ANO3: variants seen among roughly 807,000 people sequenced by gnomAD.
ANO3 encodes anoctamin 3.
A neutral mutation model predicts 144.8 loss-of-function variants in ANO3; 99 were observed. The observed-to-expected ratio is 0.68, with a 90% CI of 0.58 to 0.81. The LOEUF is 0.81. Among genes scored for constraint, ANO3 ranks in the 30% least tolerant of loss-of-function variants. The pLI, the probability that ANO3 is intolerant of heterozygous loss-of-function variation, is 0.00. For missense variants in ANO3, 905 were observed against 1,202.2 expected (o/e 0.75, Z 3.66); for synonymous variants, 414 against 392.6 (o/e 1.05, Z -0.64).
At chr11:26,621,975 C>T (rs950461011) in intron 17 of ANO3, among the ~76,000 whole-genome samples, 3 of 152,124 alleles carry the variant, frequency 2.0e-5, no homozygotes, top group African/African-American at 7.2e-5. Context: ...TACACACTCA[C>T]AGCTTGTATG....
chr11:26,346,274 T>C (rs1236574842), intron 1 of ANO3, among the ~76,000 whole-genome samples: 1 of 152,146 alleles, frequency 6.6e-6, no homozygotes, highest in Non-Finnish European at 1.5e-5. Flanking sequence ...AAAAAAGTGG[T>C]TTAAGAAAAA....
intron 17 of ANO3, 56 bp downstream of exon 17, chr11:26,599,770 G>A (rs1851739624): frequency 1.4e-6 from 2 of 1,471,270 alleles, no homozygotes; most frequent in Non-Finnish European, 1.8e-6. Flanking sequence ...AAAGGGGAGA[G>A]GTCTATGTTT....
intron 24 of ANO3, among the ~76,000 whole-genome samples, chr11:26,649,730 T>G (rs1258786887): frequency 8.2e-6 from 1 of 122,382 alleles, no homozygotes; most frequent in East Asian, 2.4e-4. Context: ...GGGCAAAATT[T>G]CGTCTCAAAA....
At chr11:26,340,541 G>A (rs182129416) in intron 1 of ANO3, among the ~76,000 whole-genome samples, 2 of 152,282 alleles carry the variant, frequency 1.3e-5, no homozygotes, top group African/African-American at 2.4e-5. Flanking sequence ...CAGAGGAGGA[G>A]ACTAGAAATC....
chr11:26,269,648 T>C (rs1415319593), intron 1 of ANO3, among the ~76,000 whole-genome samples: 1 of 152,198 alleles, frequency 6.6e-6, no homozygotes, highest in African/African-American at 2.4e-5. Flanking sequence ...CTCAGTGCTC[T>C]GGCTCTCTCA....
chr11:26,369,938 G>T (rs1418599486), intron 1 of ANO3, among the ~76,000 whole-genome samples: 1 of 152,152 alleles, frequency 6.6e-6, no homozygotes, highest in African/African-American at 2.4e-5. Flanking sequence ...ATGAAATCAA[G>T]CAGGTGAACA....
rs757090821 is a variant in ANO3 at position 26,660,454 on chromosome 11, G to C, written c.*10G>C. 1 of 1,607,042 alleles carries C rather than the reference G, an allele frequency of 6.2e-7. No individual in the cohort carries two copies. The highest frequency in any genetic ancestry group is 8.5e-7 in the Non-Finnish European group (1 of 1,177,098). ...CCATGAATGGCCTTAGTTGACACCTGTTACCCATTAGGGGTGATAACATTA... is the reference window on the plus strand; with the variant it reads ...CCATGAATGGCCTTAGTTGACACCTCTTACCCATTAGGGGTGATAACATTA... On this transcript the variant is annotated 3_prime_UTR_variant, in exon 27 of 27. Transcript: ENST00000256737.
At chr11:26,431,168 CTGAT>C (rs1219046114) in intron 1 of ANO3, among the ~76,000 whole-genome samples, 4 of 152,314 alleles carry the variant, frequency 2.6e-5, no homozygotes, top group Non-Finnish European at 5.9e-5. Flanking sequence ...CCTTATGTGA[CTGAT>C]TGTTATTGTA....
intron 4 of ANO3, among the ~76,000 whole-genome samples, chr11:26,464,902 G>A (rs1215346827): frequency 2.0e-5 from 3 of 151,522 alleles, no homozygotes; most frequent in African/African-American, 7.3e-5. Flanking sequence ...AATTCCATTT[G>A]AGCAATAACC....
intron 14 of ANO3, among the ~76,000 whole-genome samples, chr11:26,590,837 A>G (rs1342743699): frequency 6.6e-6 from 1 of 152,154 alleles, no homozygotes; most frequent in Non-Finnish European, 1.5e-5. Context: ...GGCAAGCGAA[A>G]GCTCAGCTTG....
At chr11:26,304,396 T>C (rs1854317032) in intron 1 of ANO3, among the ~76,000 whole-genome samples, 1 of 152,140 alleles carries the variant, frequency 6.6e-6, no homozygotes, top group African/African-American at 2.4e-5. Flanking sequence ...ACCCACTAAA[T>C]TCATGTTATT....
At chr11:26,544,625 T>C (rs1849740810) in intron 11 of ANO3, among the ~76,000 whole-genome samples, 1 of 151,896 alleles carries the variant, frequency 6.6e-6, no homozygotes, top group African/African-American at 2.4e-5. Flanking sequence ...ATATGTGAGG[T>C]AATGCATATG....
intron 1 of ANO3, among the ~76,000 whole-genome samples, chr11:26,211,971 C>T (rs1267813174): frequency 3.3e-5 from 5 of 152,046 alleles, no homozygotes; most frequent in Non-Finnish European, 7.3e-5. Flanking sequence ...GAAAACCAAA[C>T]ACTGCATGTT....
intron 1 of ANO3, among the ~76,000 whole-genome samples, chr11:26,429,165 G>T (rs1449632966): frequency 6.6e-6 from 1 of 152,094 alleles, no homozygotes; most frequent in South Asian, 2.1e-4. Context: ...CCCAGGTGGG[G>T]GTAGGGGTGC....
intron 9 of ANO3, among the ~76,000 whole-genome samples, chr11:26,535,815 C>G (rs1000950170): frequency 6.6e-6 from 1 of 151,274 alleles, no homozygotes; most frequent in African/African-American, 2.4e-5. Flanking sequence ...AATCTCCTGA[C>G]CTGGTGATCT....
At chr11:26,612,999 G>A (rs1339099699) in intron 17 of ANO3, among the ~76,000 whole-genome samples, 1 of 152,006 alleles carries the variant, frequency 6.6e-6, no homozygotes, top group East Asian at 1.9e-4. Flanking sequence ...TCTAATAGGG[G>A]ACTTTTGAGC....
rs1331269078 is a variant in ANO3, at chr11:26,439,644, A to G, written c.47-2274A>G. Among the ~76,000 whole-genome samples, 3 of 152,226 alleles carry G rather than the reference A, an allele frequency of 2.0e-5. No homozygotes were observed. In the South Asian group the frequency reaches 6.2e-4, roughly 32 times the overall value. ...TGATTATATATCAATAAAGCCTTTAAAAACTTTTAACTCCGAAAAGTCTGG... is the reference window on the plus strand; with the variant it reads ...TGATTATATATCAATAAAGCCTTTAGAAACTTTTAACTCCGAAAAGTCTGG... On this transcript the variant is annotated intron_variant, in intron 1 of 26. Transcript: ENST00000256737.
intron 14 of ANO3, among the ~76,000 whole-genome samples, chr11:26,585,870 G>A (rs1265092788): frequency 6.6e-6 from 1 of 152,148 alleles, no homozygotes; most frequent in Non-Finnish European, 1.5e-5. Flanking sequence ...CGTACATGTA[G>A]TTCCCGTTCA....
chr11:26,254,990 C>T lies in ANO3; in HGVS notation c.155-54655C>T, dbSNP rs199834637. ...AAGTTGCTGAAATTGAGTGACAGAC[C>T]CGGAATTCAAATCAAATCCCACATT... On this transcript the variant is annotated intron_variant, in intron 1 of 27. Coordinates refer to the ANO3 transcript ENST00000672621. Among the ~76,000 whole-genome samples the T allele has an allele frequency of 3.9e-5, 6 of 152,112 alleles. No individual in the cohort carries two copies. In the East Asian group the frequency reaches 5.8e-4, roughly 15 times the overall value.
Sources: gnomAD v4.1 joint callset for allele counts (sites outside exome capture counted in the v4.1 genomes callset) on GRCh38, gnomAD v4.1.1 for gene constraint, MANE v1.5 for transcripts, NCBI Gene and HGNC (gene_info 2026-07-23, HGNC 2026-07-21) for gene names.